The following SPMIP11 variants were observed in gnomAD, a reference collection of about 807,000 sequenced individuals.
SPMIP11 encodes long intergenic non-protein coding RNA 935.
chr12:48,756,773 T>TTC, the SPMIP11 span, among the ~76,000 whole-genome samples: 41,923 of 143,760 alleles, frequency 0.29, 7,622 homozygotes, highest in Non-Finnish European at 0.43. Context: ...TTTTTTTTCT[T>TTC]TTTTTCTTTT....
At chr12:48,749,189 G>A in the SPMIP11 span, among the ~76,000 whole-genome samples, 1 of 151,180 alleles carries the variant, frequency 6.6e-6, no homozygotes, top group African/African-American at 2.4e-5. Context: ...TTGAACCTGG[G>A]AGGCAGAGGC....
At chr12:48,771,290 C>T in the SPMIP11 span, 1 of 482,354 alleles carries the variant, frequency 2.1e-6, no homozygotes. This position sits in a 1 kb window ranked among gnomAD's most constrained non-coding sequence, Gnocchi z 4.3. Flanking sequence ...CAAGTGACTT[C>T]CCTCCAGAAC....
the SPMIP11 span, among the ~76,000 whole-genome samples, chr12:48,749,262 A>C: frequency 1.3e-5 from 1 of 76,078 alleles, no homozygotes; most frequent in Non-Finnish European, 2.7e-5. Flanking sequence ...ACTCAGTCTC[A>C]AAAAAAAAAA....
chr12:48,727,615 C>T, the SPMIP11 span: 11 of 691,222 alleles, frequency 1.6e-5, no homozygotes, highest in East Asian at 2.4e-4. Context: ...CTAGATGCTT[C>T]ATAGCCACTT....
chr12:48,754,814 A>G, the SPMIP11 span, among the ~76,000 whole-genome samples: 13 of 151,312 alleles, frequency 8.6e-5, no homozygotes, highest in African/African-American at 2.4e-4. Flanking sequence ...TGGCACAATC[A>G]CAGCCCACTG....
chr12:48,764,801 C>T, the SPMIP11 span: 1 of 693,792 alleles, frequency 1.4e-6, no homozygotes, highest in Non-Finnish European at 2.6e-6. Flanking sequence ...GAACAGTGAG[C>T]AGAGAACTTG....
the SPMIP11 span, among the ~76,000 whole-genome samples, chr12:48,747,197 G>T: frequency 6.6e-6 from 1 of 151,404 alleles, no homozygotes; most frequent in East Asian, 2.0e-4. Flanking sequence ...TCCTTATGTT[G>T]CCCAGGCTGG....
the SPMIP11 span, among the ~76,000 whole-genome samples, chr12:48,752,525 A>T: frequency 6.6e-6 from 1 of 152,108 alleles, no homozygotes; most frequent in Non-Finnish European, 1.5e-5. Flanking sequence ...CCCAGCTTCC[A>T]GGGTTCATTT....
chr12:48,727,627 C>T, the SPMIP11 span: 1 of 680,260 alleles, frequency 1.5e-6, no homozygotes, highest in African/African-American at 1.8e-5. Context: ...TAGCCACTTC[C>T]TAGCTATTTA....
chr12:48,747,691 G>T, the SPMIP11 span, among the ~76,000 whole-genome samples: 1 of 152,128 alleles, frequency 6.6e-6, no homozygotes, highest in Non-Finnish European at 1.5e-5. Flanking sequence ...GCCAAGTTTT[G>T]CTTCAACCAT....
the SPMIP11 span, among the ~76,000 whole-genome samples, chr12:48,759,894 C>T: frequency 6.6e-6 from 1 of 152,046 alleles, no homozygotes; most frequent in East Asian, 1.9e-4. Context: ...GCAACCTCTG[C>T]CTCCCAGGTT....
chr12:48,742,562 G>T, the SPMIP11 span, among the ~76,000 whole-genome samples: 1 of 152,022 alleles, frequency 6.6e-6, no homozygotes, highest in Non-Finnish European at 1.5e-5. Flanking sequence ...TTACAGGCCC[G>T]TGCCCGGCCT....
At chr12:48,759,484 C>T in the SPMIP11 span, among the ~76,000 whole-genome samples, 1 of 151,938 alleles carries the variant, frequency 6.6e-6, no homozygotes, top group East Asian at 1.9e-4. Flanking sequence ...GTCAGGAGTT[C>T]AAGACCAGCC....
the SPMIP11 span, among the ~76,000 whole-genome samples, chr12:48,741,069 C>CT: frequency 8.6e-3 from 973 of 112,490 alleles, 11 homozygotes; most frequent in African/African-American, 0.019. Context: ...ATGATATTGA[C>CT]TTTTTTTTTT....
the SPMIP11 span, among the ~76,000 whole-genome samples, chr12:48,770,361 C>A: frequency 6.6e-6 from 1 of 152,128 alleles, no homozygotes; most frequent in Non-Finnish European, 1.5e-5. Context: ...AGTAGCCATG[C>A]TATTAACCAC....
the SPMIP11 span, among the ~76,000 whole-genome samples, chr12:48,757,314 A>G: frequency 0.64 from 97,758 of 151,916 alleles, 31,780 homozygotes; most frequent in East Asian, 0.75. Flanking sequence ...TCTGAGATGC[A>G]AGCCAAATCT....
At chr12:48,767,439 G>A in the SPMIP11 span, 5 of 152,756 alleles carry the variant, frequency 3.3e-5, no homozygotes, top group African/African-American at 1.2e-4. Flanking sequence ...CCAGAAGACA[G>A]AGGCCCACAG....
At chr12:48,742,173 G>A in the SPMIP11 span, among the ~76,000 whole-genome samples, 2 of 151,814 alleles carry the variant, frequency 1.3e-5, no homozygotes, top group Non-Finnish European at 2.9e-5. Flanking sequence ...CCTGGTACAA[G>A]CACAGATTAC....
chr12:48,754,527 T>C, the SPMIP11 span, among the ~76,000 whole-genome samples: 1 of 151,612 alleles, frequency 6.6e-6, no homozygotes, highest in Admixed American at 6.6e-5. Context: ...CTCGGCTCAC[T>C]GCAAGCTCCA....
Sources: gnomAD v4.1 joint callset for allele counts (sites outside exome capture counted in the v4.1 genomes callset) on GRCh38, gnomAD v4.1.1 for gene constraint, Gnocchi (gnomAD v3.1) non-coding constraint, MANE v1.5 for transcripts, NCBI Gene and HGNC (gene_info 2026-07-23, HGNC 2026-07-21) for gene names.